MYO15A: variants seen among roughly 807,000 people sequenced by gnomAD.
The protein encoded by MYO15A is myosin XVA.
Under a neutral mutation model 394.6 loss-of-function variants are expected in MYO15A, and 308 were observed. That is an observed-to-expected ratio of 0.78 (90% CI 0.71 to 0.86). The LOEUF (loss-of-function observed/expected upper bound fraction) is 0.86. MYO15A is among the 40% of genes least tolerant of loss of function. MYO15A has a pLI of 0.00. For missense variants in MYO15A, 4,606 were observed against 4,799.1 expected, an observed-to-expected ratio of 0.96 and a Z score of 1.19; for synonymous variants, 1,957 against 2,003.8, an observed-to-expected ratio of 0.98 and a Z score of 0.62.
Position 18,178,835 on chromosome 17 carries a change from C to T in MYO15A, c.10558C>T (p.Leu3520Phe). The change falls in exon 66 of 66, where the codon CTC (leucine) becomes TTC (phenylalanine). Residue 3520 changes from leucine (L) to phenylalanine (F), a missense_variant. Physicochemically the swap from Leu to Phe is conservative, Grantham distance 22. Coordinates refer to ENST00000647165, the MANE Select transcript of MYO15A (RefSeq NM_016239.4). ...ENLLSAHEKR[L>F]TLPPSEITLL Reference sequence around the variant, plus strand: ...CCTGCTCAGTGCCCATGAGAAGCGGCTCACATTGCCCCCCAGCGAGATCAC... The same window carrying T: ...CCTGCTCAGTGCCCATGAGAAGCGGTTCACATTGCCCCCCAGCGAGATCAC... The T allele has an allele frequency of 1.9e-6, 3 of 1,613,866 alleles. No homozygotes were observed. The African/African-American group carries it at 4.0e-5, about 22-fold the overall frequency.
chr17:18,160,981 T>C, intron 56 of MYO15A: 2 of 435,034 alleles, frequency 4.6e-6, no homozygotes, highest in Non-Finnish European at 8.7e-6. Flanking sequence ...GCATGACCTC[T>C]ACACAGTCTC....
At chr17:18,161,122 C>A in intron 56 of MYO15A, 195 bp from the exon 57 acceptor site, 1 of 883,340 alleles carries the variant, frequency 1.1e-6, no homozygotes, top group Non-Finnish European at 1.8e-6. Flanking sequence ...GGGGCCCCAT[C>A]CCCTTCTGTC....
intron 18 of MYO15A, chr17:18,139,176 GTTT>G (rs2046333688): frequency 8.3e-5 from 53 of 641,172 alleles, no homozygotes; most frequent in Admixed American, 3.4e-4. Context: ...TGTAGGGTGG[GTTT>G]GATAAAGAGT....
chr17:18,159,567 G>A (rs1222944737), intron 54 of MYO15A, 39 bp from the exon 55 acceptor site: 9 of 1,610,184 alleles, frequency 5.6e-6, no homozygotes, highest in Admixed American at 3.3e-5. Flanking sequence ...GGGCAACTGG[G>A]GGTTTGGTGG....
Position 18,154,731 on chromosome 17 carries a change from A to G in MYO15A, c.8200A>G (p.Arg2734Gly), listed in dbSNP as rs772799863. The change falls in exon 45 of 66, where the codon AGG becomes GGG. Residue 2734 changes from arginine (R) to glycine (G), a missense_variant. Arg to Gly is a moderately radical substitution (Grantham distance 125, BLOSUM62 -2). This residue lies in a region of MYO15A where 2,776 missense variants were observed against 3,109.3 expected (regional missense o/e 0.89). Coordinates refer to ENST00000647165, the MANE Select transcript of MYO15A (RefSeq NM_016239.4). Reference protein sequence around the residue: ...EACLRISEDERLRMKALFAQN... With the variant: ...EACLRISEDEGLRMKALFAQN... ...CTGCCTTCGCATCTCTGAGGATGAG[A>G]GGCTCAGGATGAAGGCCTTGTTTGG... is the stretch of plus-strand genomic sequence containing the variant. 1 of 1,613,516 alleles carries G rather than the reference A, an allele frequency of 6.2e-7. No homozygotes were observed. Among genetic ancestry groups the G allele is most frequent in the Non-Finnish European group, 8.5e-7 (1 of 1,179,980 alleles).
chr17:18,171,737 G>A lies in MYO15A; in HGVS notation c.10182G>A (p.Ala3394=), dbSNP rs79230542. 13,399 of 1,612,076 alleles carry A rather than the reference G, an allele frequency of 8.3e-3. 73 individuals carry two copies. Among genetic ancestry groups the A allele is most frequent in the Middle Eastern group, 9.3e-3 (56 of 6,052 alleles). The change falls in exon 63 of 66, where the codon GCG becomes GCA. Residue 3394 remains alanine, a synonymous_variant. Transcript: ENST00000647165. ...LVSQHRQQTQ[A]LSPHQARAQF... is the part of the protein sequence containing the mutation. Reference sequence around the variant, plus strand: ...GCCAGCACCGGCAGCAGACACAGGCGCTCAGCCCCCACCAGGCCCGTGCCC... The same window carrying A: ...GCCAGCACCGGCAGCAGACACAGGCACTCAGCCCCCACCAGGCCCGTGCCC...
At chr17:18,171,569 G>C in intron 62 of MYO15A, 69 bp from the exon 63 acceptor site, 1 of 1,609,552 alleles carries the variant, frequency 6.2e-7, no homozygotes, top group Non-Finnish European at 8.5e-7. Context: ...CTGCATGCCT[G>C]CTGCACAGTG....
At chr17:18,115,385 G>A (rs1293627836) in intron 1 of MYO15A, among the ~76,000 whole-genome samples, 2 of 152,140 alleles carry the variant, frequency 1.3e-5, no homozygotes, top group African/African-American at 4.8e-5. Flanking sequence ...TTGGGAGGTC[G>A]AGGCAGGCAG....
Position 18,151,113 on chromosome 17 carries a change from C to A in MYO15A, c.7477C>A (p.Pro2493Thr), listed in dbSNP as rs1370452112. The A allele has an allele frequency of 6.2e-7, 1 of 1,613,902 alleles. No homozygotes were observed. Among genetic ancestry groups the A allele is most frequent in the Admixed American group, 1.7e-5 (1 of 60,016 alleles). Residue 2493 changes from proline (P) to threonine (T), a missense_variant, in exon 39 of 66, where the codon CCC (proline) becomes ACC (threonine). By Grantham distance (38) the Pro-to-Thr change is conservative. Transcript: ENST00000647165. ...AALRSLPAEK[P>T]PAPEAQPTSV... The stretch of plus-strand genomic sequence containing the variant: ...CCTCACGTCCTGTTCTCCACAGAAA[C>A]CCCCAGCACCAGAGGCACAGCCGAC...
chr17:18,119,867 A>G lies in MYO15A; in HGVS notation c.1067A>G (p.Tyr356Cys). 4 of 1,613,006 alleles carry G rather than the reference A, an allele frequency of 2.5e-6. No homozygotes were observed. The highest frequency in any genetic ancestry group is 2.5e-6 in the Non-Finnish European group (3 of 1,179,932). The change falls in exon 2 of 66, where the codon TAT becomes TGT. Residue 356 changes from tyrosine (Y) to cysteine (C), a missense_variant. Tyr to Cys is a radical substitution (Grantham distance 194, BLOSUM62 -2). Transcript: ENST00000647165. ...YAPYDAPYPP[Y>C]DLPYHTPYDV... ...CCGTACGACGCGCCATACCCACCCT[A>G]TGACCTCCCATACCACACTCCCTAC...
Position 18,147,157 on chromosome 17 carries a change from G to A in MYO15A, c.6510-872G>A, listed in dbSNP as rs2046496593. Among the ~76,000 whole-genome samples the A allele has an allele frequency of 2.0e-5, 3 of 152,180 alleles. No individual in the cohort carries two copies. The highest frequency in any genetic ancestry group is 2.0e-4 in the Admixed American group (3 of 15,280). ...AGCTCTGATACTTACCTGCTGTGTG[G>A]CCTGAGACAAGTCACTGTCCCTCTC... On this transcript the variant is annotated intron_variant, in intron 30 of 65. Coordinates refer to ENST00000647165, the MANE Select transcript of MYO15A (RefSeq NM_016239.4). The surrounding 1 kb of genome is among the most constrained non-coding windows in gnomAD (Gnocchi z 4.4).
Position 18,136,472 on chromosome 17 carries a change from C to A in MYO15A, c.4652C>A (p.Ala1551Asp). The change falls in exon 14 of 66, where the codon GCC becomes GAC. Residue 1551 changes from alanine to aspartate, a missense_variant. By Grantham distance (126) the Ala-to-Asp change is moderately radical. Around this residue, in one of 2 missense-constraint regions of MYO15A, gnomAD observed 2,776 missense variants for 3,109.3 expected, o/e 0.89. Transcript: ENST00000647165. The part of the protein sequence containing the change: ...TPLTVESAVD[A>D]RDAIAKVLYA... ...CTAACTGTGGAGAGCGCTGTGGATG[C>A]CAGGTGAGGCCACGCCCTCCCCTGC... 6.2e-7 allele frequency: 1 copy of A among 1,613,702 alleles called. No individual in the cohort carries two copies.
rs1391664368 is a variant in MYO15A, at chr17:18,119,616, AC to A, written c.819del (p.Tyr274ThrfsTer170). 1 of 1,603,196 alleles carries A rather than the reference AC, an allele frequency of 6.2e-7. No individual in the cohort carries two copies. Among genetic ancestry groups the A allele is most frequent in the South Asian group, 1.1e-5 (1 of 91,070 alleles). ...TCGGCCCCTACAGCCCGGCCTGGCC[AC>A]CCTACGGCGACCACTACTACGGGTA... ...GLGPYSPAWP[P>X]YGDHYYGYPP... On this transcript the variant is annotated frameshift_variant, in exon 2 of 66. Transcript: ENST00000647165. LOFTEE classifies it high-confidence loss of function.
chr17:18,121,344 G>C lies in MYO15A; in HGVS notation c.2544G>C (p.Ser848=). The C allele has an allele frequency of 1.4e-6, 2 of 1,411,482 alleles. No individual in the cohort carries two copies. Among genetic ancestry groups the C allele is most frequent in the Non-Finnish European group, 1.8e-6 (2 of 1,089,178 alleles). The allele number at this position is 1,411,482 out of a possible 1,614,324, so 87.4% of individuals were successfully genotyped here. A position where few individuals can be genotyped will look rare whatever the true frequency, so the allele number is the denominator to read the frequency against. The change falls in exon 2 of 66, where the codon TCG becomes TCC. Residue 848 remains serine, a synonymous_variant. Coordinates refer to ENST00000647165, the MANE Select transcript of MYO15A (RefSeq NM_016239.4). The surrounding 1 kb of genome is among the most constrained non-coding windows in gnomAD (Gnocchi z 5.3). The part of the protein sequence containing the change: ...SPLPGSPRPP[S]PPLGLCHSPR... ...TGCCGGGCTCACCCAGGCCGCCCTCGCCGCCCCTGGGGCTCTGCCACAGCC... is the reference window on the plus strand; with the variant it reads ...TGCCGGGCTCACCCAGGCCGCCCTCCCCGCCCCTGGGGCTCTGCCACAGCC...
At chr17:18,113,684 G>A (rs1344506334) in intron 1 of MYO15A, among the ~76,000 whole-genome samples, 3 of 151,636 alleles carry the variant, frequency 2.0e-5, no homozygotes, top group African/African-American at 7.3e-5. Context: ...GGAGGTTGCA[G>A]TGAGCTGAGA....
At chr17:18,157,400 G>C in intron 50 of MYO15A, 170 bp downstream of exon 50, 1 of 1,040,440 alleles carries the variant, frequency 9.6e-7, no homozygotes, top group Non-Finnish European at 1.4e-6. Flanking sequence ...AGACAGCCCA[G>C]CCCTCTGCTT....
In MYO15A at chr17:18,125,294, G is replaced by A. The variant is rs945085796; in HGVS notation, c.3756+63G>A. ...AGGAAGGCAGCTGCCTCCTGGGGCC[G>A]GGTGGGACGCACAGATTTCTCTTGT... On this transcript the variant is annotated intron_variant, in intron 4 of 65. Coordinates refer to ENST00000647165, the MANE Select transcript of MYO15A (RefSeq NM_016239.4). 6.0e-6 allele frequency: 9 copies of A among 1,496,266 alleles called. No individual in the cohort carries two copies. Among genetic ancestry groups the A allele is most frequent in the Middle Eastern group, 1.8e-4 (1 of 5,688 alleles). The allele number at this position is 1,496,266 out of a possible 1,614,324, so 92.7% of individuals were successfully genotyped here.
chr17:18,125,892 C>T (rs2046029338), intron 4 of MYO15A, among the ~76,000 whole-genome samples: 1 of 152,046 alleles, frequency 6.6e-6, no homozygotes, highest in South Asian at 2.1e-4. Context: ...AGAGGGGAGC[C>T]TCTGACCTGA....
Position 18,157,226 on chromosome 17 carries a change from C to T in MYO15A, c.8784C>T (p.Asp2928=), listed in dbSNP as rs750462266. 6.2e-7 allele frequency: 1 copy of T among 1,603,968 alleles called. No individual in the cohort carries two copies. The highest frequency in any genetic ancestry group is 2.3e-5 in the East Asian group (1 of 44,230). ...YLEELRRRGP[D]FGWRFGTIHG... ...AGGAGCTGCGACGTAGAGGCCCCGA[C>T]TTTGGTGTGTGCCCCAGAACCTGGA... Residue 2928 remains aspartate (D), a synonymous_variant, in exon 50 of 66, where the codon GAC becomes GAT. Transcript: ENST00000647165.
Sources: gnomAD v4.1 joint callset for allele counts (sites outside exome capture counted in the v4.1 genomes callset) on GRCh38, gnomAD v4.1.1 for gene constraint, gnomAD v4.1.1 regional missense constraint, Gnocchi (gnomAD v3.1) non-coding constraint, MANE v1.5 for transcripts, NCBI Gene and HGNC (gene_info 2026-07-23, HGNC 2026-07-21) for gene names.